GRIK2: variants seen among roughly 807,000 people sequenced by gnomAD.
GRIK2 encodes glutamate ionotropic receptor kainate type subunit 2.
Under a neutral mutation model 100.3 loss-of-function variants are expected in GRIK2, and 32 were observed. The ratio of observed to expected loss-of-function variants is 0.32; its 90% CI spans 0.24 to 0.43. The LOEUF (loss-of-function observed/expected upper bound fraction) is 0.43, where lower values mean the gene tolerates loss of function less well. Among genes scored for constraint, GRIK2 ranks in the 20% least tolerant of loss-of-function variants. GRIK2 has a pLI of 1.00. For synonymous variants in GRIK2, 417 were observed against 389.4 expected, an observed-to-expected ratio of 1.07 and a Z score of -0.83; for missense variants, 843 against 1,114.9, an observed-to-expected ratio of 0.76 and a Z score of 3.47.
rs560334736 is a variant in GRIK2 at position 102,037,167 on chromosome 6, T to C, written c.2311+1601T>C. 7.3e-5 allele frequency among the ~76,000 whole-genome samples: 11 copies of C among 151,368 alleles called. No homozygotes were observed. In the East Asian group the frequency reaches 2.2e-3, roughly 30 times the overall value. On this transcript the variant is annotated intron_variant, in intron 15 of 16. Transcript: ENST00000369134. ...GATACTAATTCTTGCATTTATGTAG[T>C]AGAGTCATAATAAAGAATAATTGTG...
At chr6:101,718,913 G>A (rs980910234) in intron 7 of GRIK2, among the ~76,000 whole-genome samples, 6 of 151,846 alleles carry the variant, frequency 4.0e-5, no homozygotes, top group Non-Finnish European at 7.4e-5. Context: ...ACACAATTGT[G>A]TCTGTAAAGA....
intron 4 of GRIK2, among the ~76,000 whole-genome samples, chr6:101,654,251 G>C (rs561869121): frequency 6.6e-6 from 1 of 152,112 alleles, no homozygotes; most frequent in Admixed American, 6.5e-5. Context: ...TGACCCCCTG[G>C]TACTCACAAC....
chr6:101,956,832 T>G (rs1791968642), intron 14 of GRIK2, among the ~76,000 whole-genome samples: 1 of 145,724 alleles, frequency 6.9e-6, no homozygotes, highest in Non-Finnish European at 1.5e-5. Flanking sequence ...CTATAAGAAT[T>G]TTATATATAA....
intron 2 of GRIK2, among the ~76,000 whole-genome samples, chr6:101,416,693 T>C (rs915179627): frequency 2.0e-5 from 3 of 152,250 alleles, no homozygotes; most frequent in Non-Finnish European, 4.4e-5. Context: ...ATATTCTTTA[T>C]AATAGTGGAT....
intron 7 of GRIK2, among the ~76,000 whole-genome samples, chr6:101,699,086 C>T (rs1397590944): frequency 6.6e-6 from 1 of 152,124 alleles, no homozygotes; most frequent in Non-Finnish European, 1.5e-5. Context: ...CACATATGTA[C>T]TCTATTCAAG....
intron 11 of GRIK2, among the ~76,000 whole-genome samples, chr6:101,874,614 T>A (rs1345088675): frequency 1.3e-5 from 2 of 152,110 alleles, no homozygotes; most frequent in African/African-American, 4.8e-5. Flanking sequence ...TTTAAAGTAG[T>A]TTTTTCCAGT....
intron 14 of GRIK2, among the ~76,000 whole-genome samples, chr6:102,005,772 C>T (rs1463169062): frequency 6.6e-6 from 1 of 152,040 alleles, no homozygotes; most frequent in African/African-American, 2.4e-5. Context: ...GGTATGGCTA[C>T]TATAACAGAA....
intron 7 of GRIK2, among the ~76,000 whole-genome samples, chr6:101,794,274 A>C (rs1780127194): frequency 6.6e-6 from 1 of 152,060 alleles, no homozygotes; most frequent in African/African-American, 2.4e-5. Context: ...CCTCAGATGG[A>C]AATGCAGAAA....
intron 14 of GRIK2, among the ~76,000 whole-genome samples, chr6:101,930,342 C>CAAA (rs370301977): frequency 6.8e-6 from 1 of 146,336 alleles, no homozygotes; most frequent in African/African-American, 2.5e-5. Flanking sequence ...AATCCTGTCT[C>CAAA]AAAAAAAAAA....
chr6:101,672,033 G>A (rs151216096), intron 4 of GRIK2, among the ~76,000 whole-genome samples: 1 of 152,180 alleles, frequency 6.6e-6, no homozygotes, highest in Non-Finnish European at 1.5e-5. Flanking sequence ...ACTGATGATC[G>A]ATTAGAGAGG....
intron 14 of GRIK2, among the ~76,000 whole-genome samples, chr6:101,988,136 C>T (rs112022328): frequency 0.12 from 2,426 of 20,588 alleles, 67 homozygotes; most frequent in African/African-American, 0.24. Context: ...TGTGTGTGCG[C>T]GCGCGCGCGC....
intron 14 of GRIK2, among the ~76,000 whole-genome samples, chr6:101,930,659 C>A (rs1790211004): frequency 6.6e-6 from 1 of 151,962 alleles, no homozygotes; most frequent in Admixed American, 6.6e-5. Context: ...AAATCAGTTA[C>A]CAAACATATG....
intron 4 of GRIK2, among the ~76,000 whole-genome samples, chr6:101,628,257 G>A (rs969569918): frequency 6.6e-6 from 1 of 151,586 alleles, no homozygotes; most frequent in African/African-American, 2.4e-5. Flanking sequence ...TAGGAAACTG[G>A]GAGCTACAGG....
rs187317046 is a variant in GRIK2 at position 101,785,849 on chromosome 6, T to C, written c.952-13799T>C. 4.6e-5 allele frequency among the ~76,000 whole-genome samples: 7 copies of C among 152,240 alleles called. No homozygotes were observed. The East Asian group carries it at 1.2e-3, about 25-fold the overall frequency. ...TTAGAAGTTTTTTTTCTTTTCTATTTCTGTGAAGAATGTCATGATATATTG... is the reference window on the plus strand; with the variant it reads ...TTAGAAGTTTTTTTTCTTTTCTATTCCTGTGAAGAATGTCATGATATATTG... On this transcript the variant is annotated intron_variant, in intron 7 of 16. Coordinates refer to ENST00000369134, the MANE Select transcript of GRIK2 (RefSeq NM_021956.5).
intron 7 of GRIK2, among the ~76,000 whole-genome samples, chr6:101,687,463 A>G (rs1001288223): frequency 2.6e-5 from 4 of 151,992 alleles, no homozygotes; most frequent in Non-Finnish European, 5.9e-5. Context: ...ACATGTATGT[A>G]GAAAAGCTTT....
chr6:101,811,912 C>T (rs1467847480), intron 9 of GRIK2, among the ~76,000 whole-genome samples: 3 of 151,302 alleles, frequency 2.0e-5, no homozygotes, highest in Admixed American at 6.6e-5. Flanking sequence ...CTGTTGTTTT[C>T]TACCTAGAAA....
intron 2 of GRIK2, among the ~76,000 whole-genome samples, chr6:101,445,089 A>G (rs1476196492): frequency 6.6e-6 from 1 of 152,010 alleles, no homozygotes; most frequent in Non-Finnish European, 1.5e-5. Flanking sequence ...GAATCTTGGA[A>G]CTGAGAGGCA....
At position 102,067,808 on chromosome 6, in the gene GRIK2, C is replaced by CA. The variant is rs1279004231; in HGVS notation, c.2563-533dup. Among the ~76,000 whole-genome samples the CA allele has an allele frequency of 4.6e-5, 7 of 151,846 alleles. No homozygotes were observed. In the East Asian group the frequency reaches 9.7e-4, roughly 21 times the overall value. Reference sequence around the variant, plus strand: ...GTCAATGTTTCTATAGGCATAATCACAAAAAAGACATAATGAAATGCCAGA... The same window carrying CA: ...GTCAATGTTTCTATAGGCATAATCACAAAAAAAGACATAATGAAATGCCAGA... On this transcript the variant is annotated intron_variant, in intron 16 of 16. Coordinates refer to ENST00000369134, the MANE Select transcript of GRIK2 (RefSeq NM_021956.5).
At chr6:101,606,026 A>C (rs1779422812) in intron 2 of GRIK2, among the ~76,000 whole-genome samples, 1 of 152,022 alleles carries the variant, frequency 6.6e-6, no homozygotes, top group African/African-American at 2.4e-5. Flanking sequence ...TTTGCTGTTC[A>C]GTACAAGGTC....
Sources: allele counts gnomAD v4.1 joint callset (sites outside exome capture counted in the v4.1 genomes callset), GRCh38; gene constraint gnomAD v4.1.1; transcripts MANE v1.5; gene names NCBI Gene and HGNC (gene_info 2026-07-23, HGNC 2026-07-21).